Variants in NRXN2 observed in about 807,000 individuals in gnomAD.
NRXN2 encodes the protein neurexin-2-beta.
Under a neutral mutation model 128.8 loss-of-function variants are expected in NRXN2, and 29 were observed. That is an observed-to-expected ratio of 0.23 (90% CI 0.17 to 0.31). The LOEUF (loss-of-function observed/expected upper bound fraction) is 0.31, where lower values mean the gene tolerates loss of function less well. Ranked by LOEUF, NRXN2 falls within the 10% of genes least tolerant of loss-of-function variation. The probability of loss-of-function intolerance (pLI) is 1.00; values close to 1 mark genes in which losing one functional copy is unlikely to be tolerated. For synonymous variants in NRXN2, 1,098 were observed against 1,075.2 expected (o/e 1.02, Z -0.41); for missense variants, 1,881 against 2,452.6 (o/e 0.77, Z 4.92).
At chr11:64,677,824 G>A in intron 6 of NRXN2, among the ~76,000 whole-genome samples, 1 of 152,220 alleles carries the variant, frequency 6.6e-6, no homozygotes, top group East Asian at 1.9e-4. Flanking sequence ...TAAAGAGCAA[G>A]TTGGTGCTGG....
chr11:64,617,714 C>T (rs1022692334), intron 22 of NRXN2, among the ~76,000 whole-genome samples: 1 of 152,208 alleles, frequency 6.6e-6, no homozygotes, highest in African/African-American at 2.4e-5. Context: ...GGAGAAAAGC[C>T]TCCTTGCATT....
At chr11:64,687,308 G>A (rs2053192985) in intron 5 of NRXN2, among the ~76,000 whole-genome samples, 2 of 152,060 alleles carry the variant, frequency 1.3e-5, no homozygotes, top group South Asian at 4.1e-4. Flanking sequence ...GCAGTGGGGT[G>A]GTGGCGGGGG....
intron 12 of NRXN2, 103 bp from the exon 13 acceptor site, chr11:64,652,257 C>A (rs1313289589): frequency 2.1e-6 from 3 of 1,434,158 alleles, no homozygotes; most frequent in Non-Finnish European, 1.9e-6. Flanking sequence ...CCCGCACATG[C>A]CACACATGAA....
rs548475424 is a variant in NRXN2 at position 64,714,392 on chromosome 11, A to G, written c.-244-449T>C. On this transcript the variant is annotated intron_variant, in intron 1 of 22. Transcript: ENST00000265459. This position sits in a 1 kb window ranked among gnomAD's most constrained non-coding sequence, Gnocchi z 4.5. ...ACTGTTCCTCTCATCAGCTCTTGAT[A>G]CTGGATAATGAAGTTGCTAAATAAT... is the stretch of plus-strand genomic sequence containing the variant. Among the ~76,000 whole-genome samples the G allele has an allele frequency of 2.0e-5, 3 of 152,264 alleles. No homozygotes were observed. Among genetic ancestry groups the G allele is most frequent in the Non-Finnish European group, 4.4e-5 (3 of 68,014 alleles).
chr11:64,647,166 T>A (rs1183740282), intron 17 of NRXN2, among the ~76,000 whole-genome samples: 1 of 151,910 alleles, frequency 6.6e-6, no homozygotes, highest in Non-Finnish European at 1.5e-5. Context: ...CGACTGTCCC[T>A]CTCCAGCCGT....
intron 9 of NRXN2, chr11:64,661,495 A>G: frequency 4.8e-6 from 4 of 835,098 alleles, no homozygotes; most frequent in Non-Finnish European, 6.3e-6. Flanking sequence ...TCACTGGGTC[A>G]TTCCTGCCAG....
chr11:64,648,194 G>T lies in NRXN2; in HGVS notation c.3403+25C>A. ...GAATGGACCCTGGTCTCCCCAAACT[G>T]CCCCCAGCCCTCCCAGGCACTCACG... On this transcript the variant is annotated intron_variant, in intron 17 of 22. Transcript: ENST00000265459. This position sits in a 1 kb window ranked among gnomAD's most constrained non-coding sequence, Gnocchi z 4.1. The T allele has an allele frequency of 6.2e-7, 1 of 1,613,986 alleles. No individual in the cohort carries two copies. The highest frequency in any genetic ancestry group is 8.5e-7 in the Non-Finnish European group (1 of 1,179,992).
rs1187296519 is a variant in NRXN2, at chr11:64,630,520, G to T, written c.3639C>A (p.Ile1213=). The stretch of plus-strand genomic sequence containing the variant: ...CGCTTACTATGGCGTTGGGCTCGTC[G>T]ATGGTAATGTCGTCCGTGCCCACGT... ...IFNVGTDDIT[I]DEPNAIVSDG... is the part of the protein sequence containing the mutation. The change falls in exon 19 of 23, where the codon ATC becomes ATA. Residue 1213 remains isoleucine, a synonymous_variant. Coordinates refer to ENST00000265459, the MANE Select transcript of NRXN2 (RefSeq NM_015080.4). The surrounding 1 kb of genome is among the most constrained non-coding windows in gnomAD (Gnocchi z 4.6). 2.5e-6 allele frequency: 4 copies of T among 1,613,954 alleles called. No individual in the cohort carries two copies. In the East Asian group the frequency reaches 8.9e-5, roughly 36 times the overall value.
At chr11:64,625,653 G>A (rs1264796941) in intron 20 of NRXN2, among the ~76,000 whole-genome samples, 3 of 152,010 alleles carry the variant, frequency 2.0e-5, no homozygotes, top group African/African-American at 7.2e-5. Flanking sequence ...AGCTCGCCCC[G>A]CCTCCCCAAA....
At position 64,624,400 on chromosome 11, in the gene NRXN2, T is replaced by G. The variant is rs1026754504; in HGVS notation, c.3848-1322A>C. On this transcript the variant is annotated intron_variant, in intron 20 of 22. Transcript: ENST00000265459. ...CCTTCTTCCTCCAGCACCCTCCCAC[T>G]GCCCACTCAGGCAAGGATAGCCCCT... 2.0e-5 allele frequency among the ~76,000 whole-genome samples: 3 copies of G among 152,280 alleles called. No homozygotes were observed. The South Asian group carries it at 6.2e-4, about 32-fold the overall frequency.
In NRXN2 at chr11:64,623,201, A is replaced by T. The variant is rs2042621902; in HGVS notation, c.3848-123T>A. 7 of 1,412,902 alleles carry T rather than the reference A, an allele frequency of 5.0e-6. No homozygotes were observed. Among genetic ancestry groups the T allele is most frequent in the East Asian group, 5.0e-5 (2 of 39,992 alleles). 87.5% of individuals were successfully genotyped at this position (1,412,902 alleles called of 1,614,324 possible). A position where few individuals can be genotyped will look rare whatever the true frequency, so the allele number is the denominator to read the frequency against. On this transcript the variant is annotated intron_variant, in intron 20 of 22. Coordinates refer to ENST00000265459, the MANE Select transcript of NRXN2 (RefSeq NM_015080.4). The surrounding 1 kb of genome is among the most constrained non-coding windows in gnomAD (Gnocchi z 4.9). ...GAATGGAGGAGAAAGCCAGTAAGGGAGGAGGGGACGGGGAGAAATGAGGAA... is the reference window on the plus strand; with the variant it reads ...GAATGGAGGAGAAAGCCAGTAAGGGTGGAGGGGACGGGGAGAAATGAGGAA...
At chr11:64,636,634 T>G (rs2135394685) in intron 17 of NRXN2, among the ~76,000 whole-genome samples, 1 of 151,422 alleles carries the variant, frequency 6.6e-6, no homozygotes, top group East Asian at 2.0e-4. Flanking sequence ...AGGGAGGACT[T>G]AAAGAAGGAG....
chr11:64,690,482 G>A lies in NRXN2; in HGVS notation c.779-6C>T, dbSNP rs745856024. ...GGAGAACAGTAAGGACCCTACTGGA[G>A]AAGCAGAATTGGGGAGTCAGGCACA... On this transcript the variant is annotated splice_region_variant and splice_polypyrimidine_tract_variant and intron_variant, in intron 4 of 22. Transcript: ENST00000265459. 8.1e-6 allele frequency: 13 copies of A among 1,612,850 alleles called. No individual in the cohort carries two copies. Among genetic ancestry groups the A allele is most frequent in the East Asian group, 2.2e-5 (1 of 44,848 alleles).
At chr11:64,717,731 G>A (rs1469744056) in intron 1 of NRXN2, among the ~76,000 whole-genome samples, 1 of 152,234 alleles carries the variant, frequency 6.6e-6, no homozygotes, top group Admixed American at 6.5e-5. Context: ...CGCTGTCTTA[G>A]TCAATCCTTC....
chr11:64,703,564 C>A (rs574119769), intron 2 of NRXN2, among the ~76,000 whole-genome samples: 1 of 152,342 alleles, frequency 6.6e-6, no homozygotes, highest in East Asian at 1.9e-4. Context: ...ATCTAAGGTT[C>A]TGATCTTATC....
At chr11:64,656,901 C>T (rs901072115) in intron 11 of NRXN2, among the ~76,000 whole-genome samples, 7 of 152,196 alleles carry the variant, frequency 4.6e-5, no homozygotes, top group African/African-American at 1.7e-4. Context: ...AAAGAGGCAG[C>T]AGTGCCTTTT....
chr11:64,709,177 C>T (rs905122819), intron 2 of NRXN2, among the ~76,000 whole-genome samples: 10 of 136,806 alleles, frequency 7.3e-5, no homozygotes, highest in South Asian at 4.6e-4. Flanking sequence ...AGGCACAGAG[C>T]GAGACTCCAT....
chr11:64,682,994 T>C (rs2052515934), intron 6 of NRXN2, among the ~76,000 whole-genome samples: 1 of 152,116 alleles, frequency 6.6e-6, no homozygotes, highest in Non-Finnish European at 1.5e-5. Context: ...CTCCTTCCAG[T>C]CTTTGGAGCT....
intron 2 of NRXN2, 126 bp downstream of exon 2, chr11:64,712,844 C>G (rs1215342550): frequency 3.3e-6 from 3 of 910,988 alleles, no homozygotes; most frequent in South Asian, 2.9e-5. Context: ...AGCGCTCGCA[C>G]CCACTCACAA....
Sources: allele counts gnomAD v4.1 joint callset (sites outside exome capture counted in the v4.1 genomes callset), GRCh38; gene constraint gnomAD v4.1.1; non-coding constraint Gnocchi (gnomAD v3.1); transcripts MANE v1.5; gene names NCBI Gene and HGNC (gene_info 2026-07-23, HGNC 2026-07-21).